PTGFR: variants seen among roughly 807,000 people sequenced by gnomAD.
PTGFR encodes prostaglandin F receptor.
In PTGFR, 15 loss-of-function variants were observed where a neutral mutation model predicts 26.2. That is an observed-to-expected ratio of 0.57 (90% CI 0.38 to 0.88). The LOEUF (loss-of-function observed/expected upper bound fraction) is 0.88. Among genes scored for constraint, PTGFR ranks in the 40% least tolerant of loss-of-function variants. PTGFR has a pLI of 0.00. For missense variants in PTGFR, 369 were observed against 427.2 expected (o/e 0.86, Z 1.20); for synonymous variants, 165 against 151.1 (o/e 1.09, Z -0.68).
intron 2 of PTGFR, among the ~76,000 whole-genome samples, chr1:78,510,219 T>C (rs889376440): frequency 6.6e-5 from 10 of 152,186 alleles, no homozygotes; most frequent in African/African-American, 2.4e-4. Flanking sequence ...GATGAATGCA[T>C]TAGTGCATTT....
Position 78,492,316 on chromosome 1 carries a change from C to T in PTGFR, c.-72-356C>T, listed in dbSNP as rs774539842. Among the ~76,000 whole-genome samples, 7 of 152,222 alleles carry T rather than the reference C, an allele frequency of 4.6e-5. 1 individual carries two copies. The highest frequency in any genetic ancestry group is 3.9e-4 in the Admixed American group (6 of 15,298). On this transcript the variant is annotated intron_variant, in intron 1 of 2. Transcript: ENST00000370757. Reference sequence around the variant, plus strand: ...AGGTCTCTCTCTCTTTTTTAATAGACTTAGGATTTAAAAAATCTTATTGGG... The same window carrying T: ...AGGTCTCTCTCTCTTTTTTAATAGATTTAGGATTTAAAAAATCTTATTGGG...
chr1:78,496,035 T>C lies in PTGFR; in HGVS notation c.798+2494T>C, dbSNP rs1270699392. On this transcript the variant is annotated intron_variant, in intron 2 of 2. Transcript: ENST00000370757. ...ACAGGTATTACTTTATGGGCTGATATTTTGAGTTGTTTTAAGCATTCTTTG... is the reference window on the plus strand; with the variant it reads ...ACAGGTATTACTTTATGGGCTGATACTTTGAGTTGTTTTAAGCATTCTTTG... Among the ~76,000 whole-genome samples, 8 of 152,216 alleles carry C rather than the reference T, an allele frequency of 5.3e-5. No individual in the cohort carries two copies. The South Asian group carries it at 8.3e-4, about 16-fold the overall frequency.
chr1:78,539,941 C>T lies in PTGFR; in HGVS notation c.*3254C>T, dbSNP rs1052403717. ...TGTGTCTCAACTTACCTAGGCAAGT[C>T]ATAATTTAGATAGAAATCTGATTTC... On this transcript the variant is annotated 3_prime_UTR_variant, in exon 3 of 3. Coordinates refer to ENST00000370757, the MANE Select transcript of PTGFR (RefSeq NM_000959.4). Among the ~76,000 whole-genome samples, 1 of 151,990 alleles carries T rather than the reference C, an allele frequency of 6.6e-6. No homozygotes were observed. Among genetic ancestry groups the T allele is most frequent in the Non-Finnish European group, 1.5e-5 (1 of 67,972 alleles).
At chr1:78,517,099 T>C (rs1412694520) in intron 2 of PTGFR, among the ~76,000 whole-genome samples, 1 of 152,200 alleles carries the variant, frequency 6.6e-6, no homozygotes, top group African/African-American at 2.4e-5. Context: ...CAAAGATAGA[T>C]GTCCTTAGTA....
chr1:78,524,906 A>ATTTTTTTTTT (rs35641651), intron 2 of PTGFR, among the ~76,000 whole-genome samples: 43 of 70,518 alleles, frequency 6.1e-4, no homozygotes, highest in East Asian at 1.6e-3. Context: ...CAAATGCAAG[A>ATTTTTTTTTT]TTTTTTTTTT....
intron 2 of PTGFR, among the ~76,000 whole-genome samples, chr1:78,513,279 G>A (rs1163844365): frequency 6.8e-6 from 1 of 146,536 alleles, no homozygotes; most frequent in East Asian, 2.0e-4. Flanking sequence ...TGACCAAAAT[G>A]CTGATGGAAA....
intron 2 of PTGFR, 94 bp from the exon 3 acceptor site, chr1:78,536,312 G>A: frequency 1.6e-6 from 2 of 1,246,108 alleles, no homozygotes; most frequent in South Asian, 1.5e-5. Context: ...TCTGTGGAAA[G>A]TGAAATGAAT....
chr1:78,507,043 C>G (rs1649842462), intron 2 of PTGFR, among the ~76,000 whole-genome samples: 1 of 152,180 alleles, frequency 6.6e-6, no homozygotes, highest in Non-Finnish European at 1.5e-5. Flanking sequence ...TACATGGAAT[C>G]TACCCTAAAC....
chr1:78,521,463 C>T (rs1217748222), intron 2 of PTGFR, among the ~76,000 whole-genome samples: 3 of 151,968 alleles, frequency 2.0e-5, no homozygotes, highest in African/African-American at 7.3e-5. Context: ...TACTTACTAA[C>T]AAAGTTATGT....
intron 2 of PTGFR, among the ~76,000 whole-genome samples, chr1:78,508,771 G>A (rs141919349): frequency 1.1e-3 from 161 of 152,240 alleles, no homozygotes; most frequent in African/African-American, 3.8e-3. Flanking sequence ...ACTTTAAAAT[G>A]TGTATTTCTC....
intron 2 of PTGFR, among the ~76,000 whole-genome samples, chr1:78,525,917 A>C (rs1474277923): frequency 1.3e-5 from 2 of 152,130 alleles, no homozygotes; most frequent in African/African-American, 2.4e-5. Context: ...GTAGTAGCAG[A>C]ATATTTTGTT....
chr1:78,521,893 G>A (rs1650251148), intron 2 of PTGFR, among the ~76,000 whole-genome samples: 1 of 151,966 alleles, frequency 6.6e-6, no homozygotes, highest in Admixed American at 6.6e-5. Context: ...TTCTATTGCT[G>A]CATAACAGAG....
intron 2 of PTGFR, among the ~76,000 whole-genome samples, chr1:78,531,556 T>C (rs960082511): frequency 4.6e-5 from 7 of 152,168 alleles, no homozygotes; most frequent in African/African-American, 1.4e-4. Flanking sequence ...ATAGAAACTT[T>C]TGGGCAGACC....
intron 2 of PTGFR, among the ~76,000 whole-genome samples, chr1:78,523,873 A>C (rs906847086): frequency 4.6e-5 from 7 of 152,168 alleles, no homozygotes; most frequent in African/African-American, 1.7e-4. Context: ...GTGATTCCTT[A>C]GTTTAAATGT....
At chr1:78,522,756 C>T (rs553353642) in intron 2 of PTGFR, among the ~76,000 whole-genome samples, 26 of 152,136 alleles carry the variant, frequency 1.7e-4, no homozygotes, top group Admixed American at 4.6e-4. Flanking sequence ...CTCCCTTGGA[C>T]GCCCCTGCAA....
intron 2 of PTGFR, among the ~76,000 whole-genome samples, chr1:78,534,343 A>G (rs990854328): frequency 6.6e-6 from 1 of 152,150 alleles, no homozygotes; most frequent in African/African-American, 2.4e-5. Flanking sequence ...CAGCTTGCAG[A>G]CATCCTTGTT....
chr1:78,537,881 G>C lies in PTGFR; in HGVS notation c.*1194G>C, dbSNP rs376925455. 25 of 152,182 alleles carry C rather than the reference G, an allele frequency of 1.6e-4. 2 individuals are homozygous for C. The highest frequency in any genetic ancestry group is 5.8e-4 in the African/African-American group (24 of 41,544). 9.4% of individuals were successfully genotyped at this position (152,182 alleles called of 1,614,324 possible). A position where few individuals can be genotyped will look rare whatever the true frequency, so the allele number is the denominator to read the frequency against. On this transcript the variant is annotated 3_prime_UTR_variant, in exon 3 of 3. Coordinates refer to ENST00000370757, the MANE Select transcript of PTGFR (RefSeq NM_000959.4). ...AATAATTGAGACTTTTTCTTTGCTT[G>C]TTTGTGTAATTCAACCAAAAGAATT...
At chr1:78,503,232 T>C (rs2100359878) in intron 2 of PTGFR, among the ~76,000 whole-genome samples, 1 of 145,722 alleles carries the variant, frequency 6.9e-6, no homozygotes, top group South Asian at 2.1e-4. Context: ...AGTAGAAAAA[T>C]TGTCAGATAA....
At chr1:78,536,037 T>A (rs1650643450) in intron 2 of PTGFR, among the ~76,000 whole-genome samples, 1 of 152,158 alleles carries the variant, frequency 6.6e-6, no homozygotes, top group African/African-American at 2.4e-5. Flanking sequence ...TATCTATAAT[T>A]TATTTATTTA....
Sources: allele counts gnomAD v4.1 joint callset (sites outside exome capture counted in the v4.1 genomes callset), GRCh38; gene constraint gnomAD v4.1.1; transcripts MANE v1.5; gene names NCBI Gene and HGNC (gene_info 2026-07-23, HGNC 2026-07-21).